The following RP1L1 variants were observed in gnomAD, a reference collection of about 807,000 sequenced individuals.
RP1L1 encodes retinitis pigmentosa 1-like 1 protein.
A neutral mutation model predicts 15.7 loss-of-function variants in RP1L1; 27 were observed. The ratio of observed to expected loss-of-function variants is 1.72; its 90% CI spans 1.27 to 2.38. The LOEUF is 2.38. Ranked by LOEUF, RP1L1 falls within the 30% of genes most tolerant of loss-of-function variation. The probability of loss-of-function intolerance (pLI) is 0.00; values close to 1 mark genes in which losing one functional copy is unlikely to be tolerated. For synonymous variants in RP1L1, 1,813 were observed against 1,276.7 expected, an observed-to-expected ratio of 1.42 and a Z score of -8.96; for missense variants, 4,798 against 3,075.9, an observed-to-expected ratio of 1.56 and a Z score of -13.24.
rs572651975 is a variant in RP1L1 at position 10,616,448 on chromosome 8, T to C, written c.749A>G (p.Asn250Ser). Residue 250 changes from asparagine (N) to serine (S), a missense_variant and splice_region_variant, in exon 3 of 4, where the codon AAC (asparagine) becomes AGC (serine). Asn to Ser is a conservative substitution (Grantham distance 46, BLOSUM62 1). Transcript: ENST00000382483. ...GGGAAACCCAAAAACCAACTCACCG[T>C]TTTTGTTTCTTGAAGTCAGCCCAGA... ...TLSGLTSRNK[N>S]GSWGPKTKPS... is the part of the protein sequence containing the mutation. 1.5e-5 allele frequency: 25 copies of C among 1,614,184 alleles called. No homozygotes were observed. In the African/African-American group the frequency reaches 1.9e-4, roughly 12 times the overall value.
chr8:10,630,632 C>G (rs1196850410), intron 1 of RP1L1, among the ~76,000 whole-genome samples: 1 of 152,212 alleles, frequency 6.6e-6, no homozygotes, highest in African/African-American at 2.4e-5. Flanking sequence ...AGCCTCCTGC[C>G]TGGGCTCTGC....
rs370037887 is a variant in RP1L1, at chr8:10,607,426, C to A, written c.6672G>T (p.Glu2224Asp). ...APEAEEEAQP[E>D]PEGVETPEAE... The stretch of plus-strand genomic sequence containing the variant: ...CCTCCGGGGTCTCTACGCCTTCTGG[C>A]TCTGGCTGGGCCTCCTCTTCAGCCT... Residue 2224 changes from glutamate to aspartate, a missense_variant, in exon 4 of 4, where the codon GAG (glutamate) becomes GAT (aspartate). Physicochemically the swap from Glu to Asp is conservative, Grantham distance 45. Coordinates refer to ENST00000382483, the MANE Select transcript of RP1L1 (RefSeq NM_178857.6). 3.1e-6 allele frequency: 5 copies of A among 1,613,750 alleles called. No individual in the cohort carries two copies. The African/African-American group carries it at 6.7e-5, about 22-fold the overall frequency.
intron 1 of RP1L1, among the ~76,000 whole-genome samples, chr8:10,645,612 G>T (rs35639780): frequency 0.21 from 32,524 of 152,078 alleles, 4,309 homozygotes; most frequent in Non-Finnish European, 0.29. Flanking sequence ...GCACAGCCAG[G>T]CTGCGGAATC....
In RP1L1 at chr8:10,622,579, C is replaced by T. The variant is rs1798077839; in HGVS notation, c.609+14G>A. 6.2e-7 allele frequency: 1 copy of T among 1,614,136 alleles called. No individual in the cohort carries two copies. The highest frequency in any genetic ancestry group is 1.1e-5 in the South Asian group (1 of 91,042). Reference sequence around the variant, plus strand: ...AGAACCTTTTCAAGGAACCGTCAGACCCCAACAGCCTACCTTTTTCCCGCT... The same window carrying T: ...AGAACCTTTTCAAGGAACCGTCAGATCCCAACAGCCTACCTTTTTCCCGCT... On this transcript the variant is annotated intron_variant, in intron 2 of 3. Coordinates refer to ENST00000382483, the MANE Select transcript of RP1L1 (RefSeq NM_178857.6).
At chr8:10,632,381 C>G (rs191214133) in intron 1 of RP1L1, among the ~76,000 whole-genome samples, 1 of 152,176 alleles carries the variant, frequency 6.6e-6, no homozygotes, top group African/African-American at 2.4e-5. Context: ...TATAAAGCAC[C>G]TTTCACATGT....
intron 1 of RP1L1, among the ~76,000 whole-genome samples, chr8:10,624,711 A>C (rs1430558414): frequency 1.3e-5 from 2 of 152,230 alleles, no homozygotes; most frequent in Non-Finnish European, 2.9e-5. Context: ...CCATAGAGTC[A>C]GGGTGGAGCA....
At position 10,608,296 on chromosome 8, in the gene RP1L1, C is replaced by G. The variant is rs752992057; in HGVS notation, c.5802G>C (p.Glu1934Asp). 2.5e-6 allele frequency: 4 copies of G among 1,599,274 alleles called. No homozygotes were observed. In the African/African-American group the frequency reaches 5.4e-5, roughly 22 times the overall value. ...CCTCTTGGGCCTCTGCACCTTCTGA[C>G]TCTGGCTCGTCCTCCCCTTCAGTCT... is the stretch of plus-strand genomic sequence containing the variant. Reference protein sequence around the residue: ...ALETEGEDEPESEGAEAQEAE... With the variant: ...ALETEGEDEPDSEGAEAQEAE... The change falls in exon 4 of 4, where the codon GAG becomes GAC. Residue 1934 changes from glutamate to aspartate, a missense_variant. By Grantham distance (45) the Glu-to-Asp change is conservative. Coordinates refer to ENST00000382483, the MANE Select transcript of RP1L1 (RefSeq NM_178857.6).
rs770740394 is a variant in RP1L1 at position 10,623,068 on chromosome 8, C to A, written c.134G>T (p.Arg45Leu). 1 of 1,614,064 alleles carries A rather than the reference C, an allele frequency of 6.2e-7. No homozygotes were observed. Among genetic ancestry groups the A allele is most frequent in the East Asian group, 2.2e-5 (1 of 44,872 alleles). ...AACGGCCAGGCGGACCCCAGCAAAC[C>A]GTGGATCCCCTCGCTTGAGGAAGGT... ...KITFLKRGDP[R>L]FAGVRLAVHQ... Residue 45 changes from arginine to leucine, a missense_variant, in exon 2 of 4, where the codon CGG (arginine) becomes CTG (leucine). Physicochemically the swap from Arg to Leu is moderately radical, Grantham distance 102. Transcript: ENST00000382483.
intron 1 of RP1L1, among the ~76,000 whole-genome samples, chr8:10,632,435 A>T (rs1339538452): frequency 6.6e-6 from 1 of 152,196 alleles, no homozygotes; most frequent in South Asian, 2.1e-4. Flanking sequence ...GAGCTATGCA[A>T]TCTGACTTAT....
chr8:10,626,868 C>T (rs887393361), intron 1 of RP1L1, among the ~76,000 whole-genome samples: 7 of 152,196 alleles, frequency 4.6e-5, no homozygotes, highest in African/African-American at 1.7e-4. Context: ...CGGCAGGAGC[C>T]ACTGTGCTCC....
chr8:10,614,661 C>CAAAAAAA (rs772003815), intron 3 of RP1L1, among the ~76,000 whole-genome samples: 4 of 75,432 alleles, frequency 5.3e-5, no homozygotes, highest in Admixed American at 1.5e-4. Context: ...ATTCTGTCGT[C>CAAAAAAA]AAAAAAAAAA....
chr8:10,654,057 AG>A (rs1220424762), intron 1 of RP1L1, among the ~76,000 whole-genome samples: 1 of 152,182 alleles, frequency 6.6e-6, no homozygotes, highest in Non-Finnish European at 1.5e-5. Flanking sequence ...TCTGAGGCAC[AG>A]GGACAGTTAG....
In RP1L1 at chr8:10,609,958, C is replaced by T. The variant is rs752958001; in HGVS notation, c.4140G>A (p.Gly1380=). Residue 1380 remains glycine, a synonymous_variant, in exon 4 of 4, where the codon GGG becomes GGA. Transcript: ENST00000382483. The part of the protein sequence containing the change: ...EGVQLEEVKE[G]PEGGLQGEAL... Reference sequence around the variant, plus strand: ...CCTCTCCTTGCAGTCCTCCTTCTGGCCCTTCTTTAACTTCCTCTAACTGCA... The same window carrying T: ...CCTCTCCTTGCAGTCCTCCTTCTGGTCCTTCTTTAACTTCCTCTAACTGCA... 3.4e-5 allele frequency: 55 copies of T among 1,595,882 alleles called. No homozygotes were observed. Among genetic ancestry groups the T allele is most frequent in the Non-Finnish European group, 4.4e-5 (51 of 1,169,252 alleles).
intron 1 of RP1L1, among the ~76,000 whole-genome samples, chr8:10,643,734 T>A (rs564403274): frequency 6.6e-6 from 1 of 151,848 alleles, no homozygotes; most frequent in Non-Finnish European, 1.5e-5. Context: ...AAAAACCTAA[T>A]GTGGGTGCTG....
Position 10,608,605 on chromosome 8 carries a change from C to A in RP1L1, c.5493G>T (p.Gly1831=). 1 of 1,614,226 alleles carries A rather than the reference C, an allele frequency of 6.2e-7. No homozygotes were observed. Among genetic ancestry groups the A allele is most frequent in the Admixed American group, 1.7e-5 (1 of 60,028 alleles). ...CCTCCGGGGCCTCTATGCCTTCGGC[C>A]CCATCACTCTGTCCTGGATCTTGGT... ...GGDQDPGQSD[G]AEGIEAPEAE... The change falls in exon 4 of 4, where the codon GGG becomes GGT. Residue 1831 remains glycine (G), a synonymous_variant. Transcript: ENST00000382483.
Position 10,654,986 on chromosome 8 carries a change from C to G in RP1L1, c.-108G>C, listed in dbSNP as rs181463137. 4 of 152,974 alleles carry G rather than the reference C, an allele frequency of 2.6e-5. No individual in the cohort carries two copies. Among genetic ancestry groups the G allele is most frequent in the African/African-American group, 9.6e-5 (4 of 41,486 alleles). The allele number at this position is 152,974 out of a possible 1,614,324, so 9.5% of individuals were successfully genotyped here. On this transcript the variant is annotated 5_prime_UTR_variant, in exon 1 of 4. Transcript: ENST00000382483. ...GAAAGTCAGGCCAGGGGGAACACCG[C>G]CTCCTTCCCTGCCAGTGGCTCAGTC...
rs766201746 is a variant in RP1L1, at chr8:10,608,716, T to C, written c.5382A>G (p.Gly1794=). ...GSELGEAEQE[G]EGISERGETG... is the part of the protein sequence containing the mutation. ...TTTCTCCCCTTTCACTTATGCCCTC[T>C]CCCTCCTGCTCAGCTTCCCCCAACT... Residue 1794 remains glycine, a synonymous_variant, in exon 4 of 4, where the codon GGA becomes GGG. Transcript: ENST00000382483. The C allele has an allele frequency of 6.2e-7, 1 of 1,614,174 alleles. No homozygotes were observed. Among genetic ancestry groups the C allele is most frequent in the South Asian group, 1.1e-5 (1 of 91,084 alleles).
At chr8:10,654,525 T>C (rs1021889064) in intron 1 of RP1L1, among the ~76,000 whole-genome samples, 3 of 151,856 alleles carry the variant, frequency 2.0e-5, no homozygotes, top group South Asian at 2.1e-4. Context: ...TGCCCACCTC[T>C]CCCTCCTCTC....
intron 2 of RP1L1, among the ~76,000 whole-genome samples, chr8:10,617,616 G>C (rs376366674): frequency 7.3e-6 from 1 of 137,756 alleles, no homozygotes; most frequent in African/African-American, 2.7e-5. Flanking sequence ...GAGTGCAGTG[G>C]CGCGATCTGG....
Sources: allele counts gnomAD v4.1 joint callset (sites outside exome capture counted in the v4.1 genomes callset), GRCh38; gene constraint gnomAD v4.1.1; transcripts MANE v1.5; gene names NCBI Gene and HGNC (gene_info 2026-07-23, HGNC 2026-07-21).